TET3: variants seen among roughly 807,000 people sequenced by gnomAD.
TET3 encodes the protein tet methylcytosine dioxygenase 3.
Under a neutral mutation model 141.4 loss-of-function variants are expected in TET3, and 19 were observed. The observed-to-expected ratio is 0.13, with a 90% CI of 0.09 to 0.20. The LOEUF is 0.20. Among genes scored for constraint, TET3 ranks in the 10% least tolerant of loss-of-function variants. The probability of loss-of-function intolerance (pLI) is 1.00; values close to 1 mark genes in which losing one functional copy is unlikely to be tolerated. For synonymous variants in TET3, 1,043 were observed against 980.9 expected (o/e 1.06, Z -1.18); for missense variants, 1,874 against 2,356.9 (o/e 0.80, Z 4.24).
Position 74,102,073 on chromosome 2 carries a change from T to C in TET3, c.5285T>C (p.Val1762Ala). The C allele has an allele frequency of 3.3e-6, 5 of 1,512,638 alleles. No individual in the cohort carries two copies. The East Asian group carries it at 9.2e-5, about 28-fold the overall frequency. 93.7% of individuals were successfully genotyped at this position (1,512,638 alleles called of 1,614,324 possible). Reference protein sequence around the residue: ...AEPQQKEKKGVVPTRQALAVP... With the variant: ...AEPQQKEKKGAVPTRQALAVP... ...CCCCAGCAGAAAGAGAAGAAGGGGG[T>C]CGTCCCCACCCGGCAGGCACTGGCT... The change falls in exon 12 of 12, where the codon GTC becomes GCC. Residue 1762 changes from valine to alanine, a missense_variant. Around this residue, in one of 10 missense-constraint regions of TET3, gnomAD observed 113 missense variants for 114.3 expected, o/e 0.99. Coordinates refer to ENST00000409262, the MANE Select transcript of TET3 (RefSeq NM_001287491.2).
chr2:74,002,805 G>T (rs1468837645), intron 2 of TET3: 1 of 574,868 alleles, frequency 1.7e-6, no homozygotes. Context: ...GGCCGAGGTA[G>T]AGCGCGCGGG....
In TET3 at chr2:74,025,945, A is replaced by T. The variant is rs549099033; in HGVS notation, c.361-20333A>T. On this transcript the variant is annotated intron_variant, in intron 3 of 11. Coordinates refer to ENST00000409262, the MANE Select transcript of TET3 (RefSeq NM_001287491.2). ...AGAGTGAGACCTCATCTCCAAAAAA[A>T]AATAATAATAATAATTGTTTTTAAG... is the stretch of plus-strand genomic sequence containing the variant. Among the ~76,000 whole-genome samples, 34 of 152,226 alleles carry T rather than the reference A, an allele frequency of 2.2e-4. No homozygotes were observed. The East Asian group carries it at 4.0e-3, about 18-fold the overall frequency.
chr2:73,991,917 CT>C (rs1684345474), intron 2 of TET3, among the ~76,000 whole-genome samples: 1 of 150,864 alleles, frequency 6.6e-6, no homozygotes, highest in Non-Finnish European at 1.5e-5. Context: ...ATCTGTGTGG[CT>C]GTATGGGCTG....
At chr2:74,066,779 G>A (rs1466690202) in intron 4 of TET3, among the ~76,000 whole-genome samples, 1 of 152,162 alleles carries the variant, frequency 6.6e-6, no homozygotes, top group Non-Finnish European at 1.5e-5. Flanking sequence ...CTATTGGGAT[G>A]GAGTTGCTAA....
At chr2:74,037,832 A>G (rs1383857632) in intron 3 of TET3, among the ~76,000 whole-genome samples, 3 of 151,944 alleles carry the variant, frequency 2.0e-5, no homozygotes, top group Non-Finnish European at 2.9e-5. Context: ...TCTCTTCCCT[A>G]TTTTCCTTTA....
At chr2:74,120,064 G>C in the TET3 span, among the ~76,000 whole-genome samples, 6 of 152,264 alleles carry the variant, frequency 3.9e-5, no homozygotes, top group African/African-American at 7.2e-5. Context: ...CTGTTACCTC[G>C]GGCCTCTAGG....
intron 3 of TET3, among the ~76,000 whole-genome samples, chr2:74,035,604 G>A (rs1465435488): frequency 6.6e-6 from 1 of 152,118 alleles, no homozygotes; most frequent in Admixed American, 6.5e-5. Flanking sequence ...GTGGGCGCCT[G>A]TAATCCCAGC....
chr2:74,002,466 T>G (rs1684902979), intron 2 of TET3, among the ~76,000 whole-genome samples: 1 of 151,230 alleles, frequency 6.6e-6, no homozygotes, highest in Non-Finnish European at 1.5e-5. Flanking sequence ...GGTATTACCT[T>G]CGGGGTCCCC....
At chr2:74,005,249 G>A (rs1057150358) in intron 3 of TET3, among the ~76,000 whole-genome samples, 4 of 152,216 alleles carry the variant, frequency 2.6e-5, no homozygotes, top group Middle Eastern at 3.2e-3. Context: ...TGTGGCAGGG[G>A]CTACTTGAAA....
chr2:74,093,523 A>C lies in TET3; in HGVS notation c.3130-6A>C. 1 of 1,603,986 alleles carries C rather than the reference A, an allele frequency of 6.2e-7. No homozygotes were observed. The highest frequency in any genetic ancestry group is 1.3e-5 in the African/African-American group (1 of 74,970). On this transcript the variant is annotated splice_polypyrimidine_tract_variant and splice_region_variant and intron_variant, in intron 9 of 11. Transcript: ENST00000409262. The surrounding 1 kb of genome is among the most constrained non-coding windows in gnomAD (Gnocchi z 4.2). ...TGTGAGCACCTCTCCTTGGCTGTCT[A>C]CACAGGTGACCAACGAGGAAATAGC...
intron 10 of TET3, among the ~76,000 whole-genome samples, chr2:74,096,396 T>C (rs1346734764): frequency 5.9e-5 from 9 of 152,336 alleles, no homozygotes. Flanking sequence ...AAGTTTTCTG[T>C]TCAGCGTAAT....
the TET3 span, among the ~76,000 whole-genome samples, chr2:74,134,107 C>T: frequency 5.9e-5 from 9 of 152,148 alleles, no homozygotes; most frequent in Admixed American, 1.3e-4. Context: ...ATAGGTTCCA[C>T]GCAGGGAATC....
intron 4 of TET3, among the ~76,000 whole-genome samples, chr2:74,071,678 G>C (rs544999160): frequency 1.3e-5 from 2 of 152,100 alleles, no homozygotes; most frequent in South Asian, 4.2e-4. Context: ...TCAGTCATAG[G>C]ACCCAATGTA....
chr2:74,006,903 G>T (rs1021407808), intron 3 of TET3, among the ~76,000 whole-genome samples: 9 of 152,180 alleles, frequency 5.9e-5, no homozygotes, highest in African/African-American at 2.2e-4. Flanking sequence ...CAAATAGAAG[G>T]CAGGGAAAAC....
At chr2:74,123,049 C>T in the TET3 span, 1 of 152,098 alleles carries the variant, frequency 6.6e-6, no homozygotes, top group Admixed American at 6.5e-5. Flanking sequence ...GGAAAACCCT[C>T]TACATGTTTG....
intron 2 of TET3, among the ~76,000 whole-genome samples, chr2:73,999,567 G>A (rs971006710): frequency 6.6e-6 from 1 of 152,126 alleles, no homozygotes; most frequent in African/African-American, 2.4e-5. Flanking sequence ...GGCATTTTGT[G>A]TGTCCTGAAA....
At chr2:74,120,110 C>T in the TET3 span, among the ~76,000 whole-genome samples, 7 of 152,318 alleles carry the variant, frequency 4.6e-5, no homozygotes, top group African/African-American at 1.7e-4. Flanking sequence ...CTTAAGAGCC[C>T]ACAGGTTGGA....
chr2:74,124,012 C>A, the TET3 span, among the ~76,000 whole-genome samples: 1 of 149,900 alleles, frequency 6.7e-6, no homozygotes, highest in Admixed American at 6.6e-5. Context: ...GTGAGGAGCC[C>A]CTCCGCCCGG....
chr2:74,003,103 T>C lies in TET3; in HGVS notation c.304-7T>C, dbSNP rs1213086533. ...TGGCTCACACGTTCCTCTGGCTTCT[T>C]TTGCAGGTGGAAATAAAGGCTGGTG... On this transcript the variant is annotated splice_region_variant and splice_polypyrimidine_tract_variant and intron_variant, in intron 2 of 11. Transcript: ENST00000409262. 2.6e-6 allele frequency: 4 copies of C among 1,550,268 alleles called. No individual in the cohort carries two copies. The highest frequency in any genetic ancestry group is 3.5e-6 in the Non-Finnish European group (4 of 1,146,902).
Sources: allele counts gnomAD v4.1 joint callset (sites outside exome capture counted in the v4.1 genomes callset), GRCh38; gene constraint gnomAD v4.1.1; regional missense constraint gnomAD v4.1.1; non-coding constraint Gnocchi (gnomAD v3.1); transcripts MANE v1.5; gene names NCBI Gene and HGNC (gene_info 2026-07-23, HGNC 2026-07-21).